The following DPY19L2 variants were observed in gnomAD, a reference collection of about 807,000 sequenced individuals.
DPY19L2 encodes dpy-19 like 2, also known as probable C-mannosyltransferase DPY19L2.
A neutral mutation model predicts 97.9 loss-of-function variants in DPY19L2; 34 were observed. The observed-to-expected ratio is 0.35, with a 90% confidence interval of 0.26 to 0.46. The LOEUF is 0.46. Ranked by LOEUF, DPY19L2 falls within the 20% of genes least tolerant of loss-of-function variation. The probability of loss-of-function intolerance (pLI) is 1.00; values close to 1 mark genes in which losing one functional copy is unlikely to be tolerated. For synonymous variants in DPY19L2, 230 were observed against 307.9 expected (o/e 0.75, Z 2.65); for missense variants, 623 against 911.4 (o/e 0.68, Z 4.07).
At chr12:63,596,065 G>A (rs1161488224) in intron 14 of DPY19L2, 28 bp from the exon 15 acceptor site, 1 of 1,565,138 alleles carries the variant, frequency 6.4e-7, no homozygotes, top group Non-Finnish European at 8.6e-7. Flanking sequence ...ATTCAAAATG[G>A]TTACTTACAA....
At chr12:63,648,036 G>C (rs1474593506) in intron 4 of DPY19L2, among the ~76,000 whole-genome samples, 1 of 152,056 alleles carries the variant, frequency 6.6e-6, no homozygotes, top group African/African-American at 2.4e-5. Context: ...GAGGTGATTA[G>C]ACCATGAAGA....
intron 9 of DPY19L2, chr12:63,620,344 A>C (rs1466764072): frequency 5.5e-6 from 1 of 180,198 alleles, no homozygotes; most frequent in Non-Finnish European, 1.2e-5. Flanking sequence ...CATTCAGCTG[A>C]ATTAGAAGCA....
intron 8 of DPY19L2, chr12:63,623,650 A>C (rs1889060149): frequency 6.3e-6 from 1 of 158,224 alleles, no homozygotes; most frequent in African/African-American, 2.4e-5. Context: ...ATAACTAAAA[A>C]ATGGTCTAAA....
intron 12 of DPY19L2, among the ~76,000 whole-genome samples, chr12:63,604,322 G>T (rs1362625457): frequency 1.3e-5 from 2 of 151,962 alleles, no homozygotes; most frequent in African/African-American, 4.8e-5. Context: ...GATTTCTCTG[G>T]GTTTGTCTTA....
chr12:63,604,067 T>A (rs529800413), intron 12 of DPY19L2, among the ~76,000 whole-genome samples: 2,039 of 152,296 alleles, frequency 0.013, 22 homozygotes, highest in Non-Finnish European at 0.021. Context: ...CCACAAATTA[T>A]CTTAATTTTC....
At chr12:63,590,118 C>T (rs1407189527) in intron 16 of DPY19L2, among the ~76,000 whole-genome samples, 1 of 139,598 alleles carries the variant, frequency 7.2e-6, no homozygotes, top group African/African-American at 3.1e-5. Flanking sequence ...ACAAAAAAAA[C>T]AAAACAAAAC....
At position 63,559,865 on chromosome 12, in the gene DPY19L2, A is replaced by C. The variant is rs1403375913; in HGVS notation, c.*647T>G. The C allele has an allele frequency of 6.6e-6, 1 of 152,160 alleles. No homozygotes were observed. The highest frequency in any genetic ancestry group is 1.5e-5 in the Non-Finnish European group (1 of 68,010). 9.4% of individuals were successfully genotyped at this position (152,160 alleles called of 1,614,324 possible). A position where few individuals can be genotyped will look rare whatever the true frequency, so the allele number is the denominator to read the frequency against. ...CTTAGATGGAGAACTAACCAGTGGC[A>C]AATATGTATCTAGTGGGGTAAACAC... On this transcript the variant is annotated 3_prime_UTR_variant, in exon 22 of 22. Coordinates refer to ENST00000324472, the MANE Select transcript of DPY19L2 (RefSeq NM_173812.5).
At position 63,570,726 on chromosome 12, in the gene DPY19L2, G is replaced by A. The variant is rs770046738; in HGVS notation, c.2000+32C>T. 1.9e-6 allele frequency: 3 copies of A among 1,604,040 alleles called. No homozygotes were observed. In the Admixed American group the frequency reaches 5.1e-5, roughly 27 times the overall value. The stretch of plus-strand genomic sequence containing the variant: ...TCCTAAGAATTGGGAGTTGCCAAGT[G>A]AGTCTTGAAGAAATACTCATCAGCT... On this transcript the variant is annotated intron_variant, in intron 20 of 21. Coordinates refer to ENST00000324472, the MANE Select transcript of DPY19L2 (RefSeq NM_173812.5).
At chr12:63,615,753 G>A (rs1887719124) in intron 11 of DPY19L2, among the ~76,000 whole-genome samples, 1 of 152,134 alleles carries the variant, frequency 6.6e-6, no homozygotes, top group South Asian at 2.1e-4. Flanking sequence ...TTTTAGGGCA[G>A]TACAAGGGAG....
intron 6 of DPY19L2, among the ~76,000 whole-genome samples, chr12:63,642,657 T>G (rs1457022243): frequency 1.3e-5 from 2 of 152,108 alleles, no homozygotes; most frequent in African/African-American, 2.4e-5. Flanking sequence ...ATTGCAGTTA[T>G]CTATTTGTCT....
In DPY19L2 at chr12:63,589,613, T is replaced by TA. The variant is rs1184424314; in HGVS notation, c.1580+4473dup. Among the ~76,000 whole-genome samples, 6 of 152,070 alleles carry TA rather than the reference T, an allele frequency of 3.9e-5. No homozygotes were observed. The East Asian group carries it at 1.2e-3, about 29-fold the overall frequency. On this transcript the variant is annotated intron_variant, in intron 16 of 21. Transcript: ENST00000324472. ...GAGTAATAAATAACCTATATGTAAATAGACACTTATGAAAGAAAATATGAA... is the reference window on the plus strand; with the variant it reads ...GAGTAATAAATAACCTATATGTAAATAAGACACTTATGAAAGAAAATATGAA...
intron 6 of DPY19L2, among the ~76,000 whole-genome samples, chr12:63,644,040 A>C (rs1186133427): frequency 6.6e-6 from 1 of 152,144 alleles, no homozygotes; most frequent in Non-Finnish European, 1.5e-5. Context: ...AATTTTTCCT[A>C]CTGCTTTCTT....
rs1288303704 is a variant in DPY19L2, at chr12:63,668,148, G to A, written c.246C>T (p.Phe82=). 1 of 1,614,020 alleles carries A rather than the reference G, an allele frequency of 6.2e-7. No homozygotes were observed. Among genetic ancestry groups the A allele is most frequent in the South Asian group, 1.1e-5 (1 of 91,064 alleles). Residue 82 remains phenylalanine, a synonymous_variant, in exon 1 of 22, where the codon TTC becomes TTT. Transcript: ENST00000324472. ...GCGCCAGGGAATTACGGACGAACTG[G>A]AAGGGGCCGAGAAGAAAGGTCTTGG... ...VVAKTFLLGP[F]QFVRNSLAQL...
intron 6 of DPY19L2, among the ~76,000 whole-genome samples, chr12:63,632,149 T>G (rs920260111): frequency 1.3e-5 from 2 of 152,140 alleles, no homozygotes; most frequent in Admixed American, 1.3e-4. Context: ...CTTTGAAAAC[T>G]GGCACAAGAC....
At chr12:63,606,281 G>T (rs1886029899) in intron 12 of DPY19L2, among the ~76,000 whole-genome samples, 1 of 151,752 alleles carries the variant, frequency 6.6e-6, no homozygotes, top group Admixed American at 6.6e-5. Flanking sequence ...AGGCTAGTTT[G>T]GACCTTTAAT....
Position 63,561,284 on chromosome 12 carries a change from T to A in DPY19L2, c.2127-622A>T, listed in dbSNP as rs182389717. Among the ~76,000 whole-genome samples, 233 of 152,290 alleles carry A rather than the reference T, an allele frequency of 1.5e-3. 2 individuals carry two copies. Among genetic ancestry groups the A allele is most frequent in the African/African-American group, 5.4e-3 (225 of 41,568 alleles). On this transcript the variant is annotated intron_variant, in intron 21 of 21. Coordinates refer to ENST00000324472, the MANE Select transcript of DPY19L2 (RefSeq NM_173812.5). Reference sequence around the variant, plus strand: ...TTAATATCTATATTGAAGTATAAGTTATATAAACAATAAAACTTCACCTAT... The same window carrying A: ...TTAATATCTATATTGAAGTATAAGTAATATAAACAATAAAACTTCACCTAT...
chr12:63,583,636 T>C (rs1228732811), intron 17 of DPY19L2, among the ~76,000 whole-genome samples, 176 bp downstream of exon 17: 1 of 152,216 alleles, frequency 6.6e-6, no homozygotes, highest in Non-Finnish European at 1.5e-5. Context: ...TAAATCCTTA[T>C]TACTATTCAA....
intron 1 of DPY19L2, 134 bp downstream of exon 1, chr12:63,667,923 C>T (rs1226729304): frequency 2.0e-5 from 22 of 1,100,414 alleles, no homozygotes; most frequent in Non-Finnish European, 2.4e-5. Flanking sequence ...CTTTGGCCAA[C>T]TTCTTTCTAC....
intron 6 of DPY19L2, among the ~76,000 whole-genome samples, chr12:63,632,581 G>A (rs1236226998): frequency 6.6e-6 from 1 of 152,084 alleles, no homozygotes; most frequent in Admixed American, 6.5e-5. Flanking sequence ...CAAACAAATG[G>A]AAGAAATTCC....
Sources: gnomAD v4.1 joint callset for allele counts (sites outside exome capture counted in the v4.1 genomes callset) on GRCh38, gnomAD v4.1.1 for gene constraint, MANE v1.5 for transcripts, NCBI Gene and HGNC (gene_info 2026-07-23, HGNC 2026-07-21) for gene names.